Variants in LDB2 observed in about 807,000 individuals in gnomAD.
LDB2 encodes LIM domain-binding protein 2.
In LDB2, 12 loss-of-function variants were observed where a neutral mutation model predicts 44.3. The observed-to-expected ratio is 0.27, with a 90% CI of 0.17 to 0.44. LDB2 has a LOEUF of 0.44. LDB2 is among the 20% of genes least tolerant of loss of function. The pLI, the probability that LDB2 is intolerant of heterozygous loss-of-function variation, is 1.00. For synonymous variants in LDB2, 164 were observed against 174.8 expected (o/e 0.94, Z 0.49); for missense variants, 344 against 473.5 (o/e 0.73, Z 2.54).
chr4:16,502,439 G>T lies in LDB2; in HGVS notation c.*204C>A. 1.4e-6 allele frequency: 1 copy of T among 691,052 alleles called. No homozygotes were observed. Among genetic ancestry groups the T allele is most frequent in the Non-Finnish European group, 2.4e-6 (1 of 423,454 alleles). The allele number at this position is 691,052 out of a possible 1,614,324, so 42.8% of individuals were successfully genotyped here. A position where few individuals can be genotyped will look rare whatever the true frequency, so the allele number is the denominator to read the frequency against. On this transcript the variant is annotated 3_prime_UTR_variant, in exon 8 of 8. Coordinates refer to ENST00000304523, the MANE Select transcript of LDB2 (RefSeq NM_001290.5). Reference sequence around the variant, plus strand: ...CTGTATTACCTGTGAAGGCCTCCAAGAAAGGGTCATGGAAGCTTACTGGGA... The same window carrying T: ...CTGTATTACCTGTGAAGGCCTCCAATAAAGGGTCATGGAAGCTTACTGGGA...
chr4:16,758,608 A>G (rs1397066980), intron 2 of LDB2, among the ~76,000 whole-genome samples: 2 of 152,130 alleles, frequency 1.3e-5, no homozygotes, highest in Non-Finnish European at 2.9e-5. Flanking sequence ...CAGAGTTATC[A>G]CTCGCCTGAA....
At chr4:16,647,771 C>T (rs1394584718) in intron 2 of LDB2, among the ~76,000 whole-genome samples, 1 of 152,144 alleles carries the variant, frequency 6.6e-6, no homozygotes, top group Non-Finnish European at 1.5e-5. Context: ...TTTCCGACAC[C>T]ATGTAGGTGA....
intron 2 of LDB2, among the ~76,000 whole-genome samples, chr4:16,755,726 T>A (rs1426098904): frequency 1.3e-5 from 2 of 152,280 alleles, no homozygotes; most frequent in East Asian, 3.9e-4. Flanking sequence ...CTACCTCTGA[T>A]ACTCTTCTTT....
chr4:16,809,741 C>CAAACA (rs1554031287), intron 1 of LDB2, among the ~76,000 whole-genome samples: 1,977 of 145,360 alleles, frequency 0.014, 48 homozygotes, highest in African/African-American at 0.044. Flanking sequence ...AACAAACAAA[C>CAAACA]AAAAAAAAAA....
rs1238100319 is a variant in LDB2 at position 16,502,512 on chromosome 4, AT to A, written c.*130del. Reference sequence around the variant, plus strand: ...AAGAAAGAAGAAAGAAAATCAGATCATTGTGGTTTAGAAATAGATATTTGCA... The same window carrying A: ...AAGAAAGAAGAAAGAAAATCAGATCATGTGGTTTAGAAATAGATATTTGCA... On this transcript the variant is annotated 3_prime_UTR_variant, in exon 8 of 8. Coordinates refer to ENST00000304523, the MANE Select transcript of LDB2 (RefSeq NM_001290.5). The A allele has an allele frequency of 8.3e-7, 1 of 1,205,424 alleles. No individual in the cohort carries two copies. The highest frequency in any genetic ancestry group is 2.2e-5 in the Admixed American group (1 of 45,672). The allele number at this position is 1,205,424 out of a possible 1,614,324, so 74.7% of individuals were successfully genotyped here. A position where few individuals can be genotyped will look rare whatever the true frequency, so the allele number is the denominator to read the frequency against.
At chr4:16,620,076 A>G (rs1345747123) in intron 2 of LDB2, among the ~76,000 whole-genome samples, 2 of 152,192 alleles carry the variant, frequency 1.3e-5, no homozygotes, top group Non-Finnish European at 2.9e-5. Context: ...GAGTTGGGAT[A>G]AAATTTTCTG....
chr4:16,581,987 G>A (rs923035668), intron 5 of LDB2, among the ~76,000 whole-genome samples: 1 of 88,640 alleles, frequency 1.1e-5, no homozygotes. Context: ...AGGAAGGGAA[G>A]GAAGGGAAGG....
chr4:16,889,726 A>C (rs1232242388), intron 1 of LDB2, among the ~76,000 whole-genome samples: 1 of 152,204 alleles, frequency 6.6e-6, no homozygotes, highest in Non-Finnish European at 1.5e-5. Flanking sequence ...GTGTAAGACA[A>C]TCAGGTCCCT....
chr4:16,688,267 G>GAAATAAAAATAA (rs1749746193), intron 2 of LDB2, among the ~76,000 whole-genome samples: 1 of 152,136 alleles, frequency 6.6e-6, no homozygotes, highest in African/African-American at 2.4e-5. Context: ...AAACCCTCAT[G>GAAATAAAAATAA]AAATAAAAAA....
At chr4:16,752,067 C>T (rs928750657) in intron 2 of LDB2, among the ~76,000 whole-genome samples, 2 of 152,172 alleles carry the variant, frequency 1.3e-5, no homozygotes, top group African/African-American at 4.8e-5. Context: ...CCAGGGTCAT[C>T]TGAGACAACG....
intron 2 of LDB2, among the ~76,000 whole-genome samples, chr4:16,690,292 C>T (rs1019441725): frequency 3.2e-4 from 48 of 151,736 alleles, no homozygotes; most frequent in African/African-American, 1.1e-3. Context: ...AAAACACCAT[C>T]TCTACTAAAA....
At chr4:16,711,360 G>A (rs892688505) in intron 2 of LDB2, among the ~76,000 whole-genome samples, 4 of 152,210 alleles carry the variant, frequency 2.6e-5, no homozygotes, top group African/African-American at 9.6e-5. Flanking sequence ...TCTCTCGCGT[G>A]CTCAAAGAAG....
At chr4:16,777,812 A>G (rs1772274901) in intron 1 of LDB2, among the ~76,000 whole-genome samples, 1 of 152,202 alleles carries the variant, frequency 6.6e-6, no homozygotes, top group South Asian at 2.1e-4. Flanking sequence ...CAGGGCTGTG[A>G]CACAGAGCAT....
chr4:16,669,018 C>T (rs184782244), intron 2 of LDB2, among the ~76,000 whole-genome samples: 20 of 152,300 alleles, frequency 1.3e-4, no homozygotes, highest in Admixed American at 2.6e-4. Flanking sequence ...GGTCAATCCC[C>T]CTGAGCTTCA....
intron 1 of LDB2, among the ~76,000 whole-genome samples, chr4:16,882,489 C>A (rs1720446200): frequency 6.6e-6 from 1 of 152,124 alleles, no homozygotes. Flanking sequence ...TCCATTCTCT[C>A]CCCACCTCCC....
At chr4:16,840,919 G>C (rs1785756941) in intron 1 of LDB2, among the ~76,000 whole-genome samples, 1 of 152,204 alleles carries the variant, frequency 6.6e-6, no homozygotes, top group South Asian at 2.1e-4. Context: ...ACCTAGAGGA[G>C]ACCCTGCAAG....
At chr4:16,683,981 G>A (rs1179971453) in intron 2 of LDB2, among the ~76,000 whole-genome samples, 1 of 152,120 alleles carries the variant, frequency 6.6e-6, no homozygotes, top group Admixed American at 6.5e-5. Context: ...CTTTCTATTA[G>A]CAGTAATGGA....
chr4:16,535,700 G>T (rs1259629350), intron 5 of LDB2, among the ~76,000 whole-genome samples: 1 of 152,182 alleles, frequency 6.6e-6, no homozygotes, highest in Non-Finnish European at 1.5e-5. Flanking sequence ...GACAATAATA[G>T]TAAACAATAG....
chr4:16,672,014 C>T (rs1208747870), intron 2 of LDB2, among the ~76,000 whole-genome samples: 2 of 152,144 alleles, frequency 1.3e-5, no homozygotes, highest in Non-Finnish European at 2.9e-5. Flanking sequence ...TGGAGAGGTG[C>T]ATGGAGAAGA....
Sources: allele counts gnomAD v4.1 joint callset (sites outside exome capture counted in the v4.1 genomes callset), GRCh38; gene constraint gnomAD v4.1.1; transcripts MANE v1.5; gene names NCBI Gene and HGNC (gene_info 2026-07-23, HGNC 2026-07-21).